Variants in CDK14 observed in about 807,000 individuals in gnomAD.
CDK14 encodes cyclin dependent kinase 14.
In CDK14, 34 loss-of-function variants were observed where a neutral mutation model predicts 60.7. The observed-to-expected ratio is 0.56, with a 90% confidence interval of 0.43 to 0.75. The LOEUF (loss-of-function observed/expected upper bound fraction) is 0.75. Among genes scored for constraint, CDK14 ranks in the 30% least tolerant of loss-of-function variants. The pLI is 0.00. For missense variants in CDK14, 482 were observed against 564.1 expected (o/e 0.85, Z 1.47); for synonymous variants, 197 against 203.7 (o/e 0.97, Z 0.28).
At chr7:91,173,872 G>C (rs549361703) in intron 14 of CDK14, among the ~76,000 whole-genome samples, 1 of 152,344 alleles carries the variant, frequency 6.6e-6, no homozygotes, top group South Asian at 2.1e-4. Flanking sequence ...CGGCAGCGAG[G>C]CTGGGGGAGG....
intron 4 of CDK14, among the ~76,000 whole-genome samples, chr7:90,772,975 T>A (rs1804851429): frequency 6.6e-6 from 1 of 152,054 alleles, no homozygotes; most frequent in African/African-American, 2.4e-5. Flanking sequence ...TGGTGAAAAA[T>A]TTTTCTGTAC....
intron 2 of CDK14, among the ~76,000 whole-genome samples, chr7:90,617,460 T>C (rs1036118589): frequency 3.3e-5 from 5 of 152,164 alleles, no homozygotes; most frequent in African/African-American, 1.2e-4. Context: ...GATGAATTAC[T>C]GCTAGAATTA....
chr7:90,774,010 T>A (rs2116902721), intron 4 of CDK14, among the ~76,000 whole-genome samples: 1 of 151,572 alleles, frequency 6.6e-6, no homozygotes, highest in East Asian at 2.0e-4. Flanking sequence ...TTCAAATGAT[T>A]CTCCTGCCCC....
chr7:90,693,325 A>G (rs925441289), intron 2 of CDK14, among the ~76,000 whole-genome samples: 1 of 152,194 alleles, frequency 6.6e-6, no homozygotes, highest in Non-Finnish European at 1.5e-5. Flanking sequence ...TTGATCTGGA[A>G]TAGACCCTAG....
chr7:90,872,746 G>T (rs960466126), intron 6 of CDK14, among the ~76,000 whole-genome samples: 1 of 151,966 alleles, frequency 6.6e-6, no homozygotes, highest in Non-Finnish European at 1.5e-5. Flanking sequence ...TCATGATTTG[G>T]TATTTAATTC....
chr7:90,780,582 C>A (rs1048004135), intron 4 of CDK14, among the ~76,000 whole-genome samples: 1 of 126,200 alleles, frequency 7.9e-6, no homozygotes. Context: ...CCCCTCCCCC[C>A]ACCCCACAAC....
intron 5 of CDK14, 33 bp from the exon 6 acceptor site, chr7:90,863,142 A>T (rs1249794641): frequency 4.9e-6 from 6 of 1,213,714 alleles, no homozygotes; most frequent in Non-Finnish European, 7.2e-6. Context: ...GTTATCCACG[A>T]TAAATTGTTT....
chr7:91,179,042 G>A (rs1482541487), intron 14 of CDK14, among the ~76,000 whole-genome samples: 3 of 152,092 alleles, frequency 2.0e-5, no homozygotes, highest in African/African-American at 7.2e-5. Context: ...CAATAGCAAA[G>A]ACTTGGAACC....
intron 14 of CDK14, among the ~76,000 whole-genome samples, chr7:91,158,817 A>G (rs1430230150): frequency 6.6e-6 from 1 of 152,204 alleles, no homozygotes; most frequent in Non-Finnish European, 1.5e-5. Flanking sequence ...CACAGGTGAC[A>G]TGTAATGCCC....
rs187259536 is a variant in CDK14, at chr7:90,996,475, G to A, written c.1041+12234G>A. On this transcript the variant is annotated intron_variant, in intron 10 of 14. Coordinates refer to ENST00000380050, the MANE Select transcript of CDK14 (RefSeq NM_001287135.2). ...TCACTATTACATAACTTGATAAAAA[G>A]CTATGGCTGTTTGATTAAGATTTAT... Among the ~76,000 whole-genome samples, 479 of 152,188 alleles carry A rather than the reference G, an allele frequency of 3.1e-3. 3 individuals carry two copies. The highest frequency in any genetic ancestry group is 5.3e-3 in the Non-Finnish European group (359 of 68,018).
chr7:90,763,721 G>A (rs1480618691), intron 4 of CDK14, among the ~76,000 whole-genome samples: 1 of 152,040 alleles, frequency 6.6e-6, no homozygotes, highest in African/African-American at 2.4e-5. Context: ...TGTGAACGAT[G>A]AGTTAATGGG....
intron 14 of CDK14, among the ~76,000 whole-genome samples, chr7:91,145,998 A>G (rs992281964): frequency 6.6e-6 from 1 of 151,848 alleles, no homozygotes; most frequent in Non-Finnish European, 1.5e-5. Context: ...CTTTTATTTG[A>G]CTCAAACTGA....
intron 5 of CDK14, among the ~76,000 whole-genome samples, chr7:90,809,022 G>C (rs12112764): frequency 0.2 from 31,085 of 151,984 alleles, 3,316 homozygotes; most frequent in South Asian, 0.24. Flanking sequence ...AATAATAATG[G>C]GAGACTTTAA....
chr7:90,756,098 C>A (rs954103274), intron 4 of CDK14, among the ~76,000 whole-genome samples: 1 of 152,200 alleles, frequency 6.6e-6, no homozygotes, highest in Admixed American at 6.5e-5. Context: ...TTGAAGCTAT[C>A]ATTTTCCTAA....
At chr7:90,883,800 A>G (rs530428478) in intron 6 of CDK14, among the ~76,000 whole-genome samples, 1 of 152,342 alleles carries the variant, frequency 6.6e-6, no homozygotes, top group Non-Finnish European at 1.5e-5. Context: ...AAATCAATAA[A>G]TGTAATCCAT....
intron 7 of CDK14, among the ~76,000 whole-genome samples, chr7:90,910,299 G>A (rs1006242257): frequency 1.2e-4 from 19 of 152,282 alleles, no homozygotes; most frequent in African/African-American, 4.6e-4. Context: ...TGCATTAGCT[G>A]TTTTGAAACT....
At chr7:90,637,860 G>T (rs1316050685) in intron 2 of CDK14, among the ~76,000 whole-genome samples, 2 of 150,440 alleles carry the variant, frequency 1.3e-5, no homozygotes, top group Non-Finnish European at 2.9e-5. Flanking sequence ...AGCTGCTCTT[G>T]TTGAATTGAT....
chr7:90,808,329 G>T (rs901079028), intron 5 of CDK14, among the ~76,000 whole-genome samples: 3 of 152,156 alleles, frequency 2.0e-5, no homozygotes, highest in African/African-American at 7.2e-5. Flanking sequence ...TTAAAGAAAA[G>T]AATTTTCAAC....
intron 10 of CDK14, among the ~76,000 whole-genome samples, chr7:91,038,647 G>A (rs1427613492): frequency 6.6e-6 from 1 of 152,204 alleles, no homozygotes; most frequent in Non-Finnish European, 1.5e-5. Flanking sequence ...AAATACACGT[G>A]TAAAGGCCTT....
Sources: gnomAD v4.1 joint callset for allele counts (sites outside exome capture counted in the v4.1 genomes callset) on GRCh38, gnomAD v4.1.1 for gene constraint, MANE v1.5 for transcripts, NCBI Gene and HGNC (gene_info 2026-07-23, HGNC 2026-07-21) for gene names.